Variants in WDR27 observed in about 807,000 individuals in gnomAD.
WDR27 encodes WD repeat domain 27, also known as WD repeat-containing protein 27.
WDR27 carries 100 observed loss-of-function variants against 114.4 expected under a neutral mutation model. The ratio of observed to expected loss-of-function variants is 0.87; its 90% CI spans 0.74 to 1.03. The LOEUF (loss-of-function observed/expected upper bound fraction) is 1.03, where lower values mean the gene tolerates loss of function less well. Among genes scored for constraint, WDR27 ranks in the 50% least tolerant of loss-of-function variants. WDR27 has a pLI of 0.00. For missense variants in WDR27, 1,129 were observed against 1,092.9 expected, an observed-to-expected ratio of 1.03 and a Z score of -0.47; for synonymous variants, 449 against 423.1, an observed-to-expected ratio of 1.06 and a Z score of -0.75.
rs1322314579 is a variant in WDR27, at chr6:169,649,218, C to G, written c.1539G>C (p.Arg513Ser). 1.9e-6 allele frequency: 3 copies of G among 1,576,110 alleles called. No homozygotes were observed. The highest frequency in any genetic ancestry group is 2.6e-6 in the Non-Finnish European group (3 of 1,160,032). The part of the protein sequence containing the change: ...NIKSEGKGSS[R>S]SRSSCAREAY... The stretch of plus-strand genomic sequence containing the variant: ...CACACCGTGCGCAGCTGCTCCTGCT[C>G]CTTGAAGATCCTTTCCCCTCACTCT... Residue 513 changes from arginine to serine, a missense_variant, in exon 15 of 26, where the codon AGG becomes AGC. Transcript: ENST00000448612.
At chr6:169,660,889 C>T in intron 9 of WDR27, 123 bp from the exon 10 acceptor site, 1 of 802,404 alleles carries the variant, frequency 1.2e-6, no homozygotes. Flanking sequence ...GCGTTGGGCC[C>T]CACGTGCGCC....
At chr6:169,538,252 TAC>T (rs1584060434) in intron 25 of WDR27, among the ~76,000 whole-genome samples, 1 of 152,200 alleles carries the variant, frequency 6.6e-6, no homozygotes, top group Non-Finnish European at 1.5e-5. Flanking sequence ...TCACTAACCT[TAC>T]ACACATTCTC....
chr6:169,628,041 C>G (rs767246282), intron 21 of WDR27, among the ~76,000 whole-genome samples: 2 of 151,992 alleles, frequency 1.3e-5, no homozygotes, highest in Non-Finnish European at 2.9e-5. Flanking sequence ...GCTCTCCCCC[C>G]AGAATTCATC....
Position 169,662,349 on chromosome 6 carries a change from A to G in WDR27, c.980T>C (p.Leu327Pro). 1 of 1,614,054 alleles carries G rather than the reference A, an allele frequency of 6.2e-7. No homozygotes were observed. Among genetic ancestry groups the G allele is most frequent in the East Asian group, 2.2e-5 (1 of 44,888 alleles). The change falls in exon 9 of 26, where the codon CTT (leucine) becomes CCT (proline). Residue 327 changes from leucine to proline, a missense_variant. Coordinates refer to ENST00000448612, the MANE Select transcript of WDR27 (RefSeq NM_182552.5). The part of the protein sequence containing the change: ...QVEVTFPVLR[L>P]APCDLSLIPN... ...GATGAGTGAGAGATCACAGGGTGCA[A>G]GTCTCAGTACAGGAAATGTTACTTC...
chr6:169,638,232 C>T (rs1413391090), intron 18 of WDR27, among the ~76,000 whole-genome samples: 1 of 100,726 alleles, frequency 9.9e-6, no homozygotes, highest in Admixed American at 9.1e-5. Flanking sequence ...AGGAGAATGG[C>T]GTGAACCCGG....
At chr6:169,580,993 C>G (rs1467192466) in intron 24 of WDR27, among the ~76,000 whole-genome samples, 1 of 146,530 alleles carries the variant, frequency 6.8e-6, no homozygotes, top group Non-Finnish European at 1.5e-5. Flanking sequence ...ATATCATTAT[C>G]CTTAATGAAT....
Position 169,534,798 on chromosome 6 carries a change from A to G in WDR27, c.2645+37621T>C, listed in dbSNP as rs554068037. ...CTCTTTTTTTTTCTTGGTCAGCTCT[A>G]GCTCTTATTCTTTGCTTCCCTGCTT... On this transcript the variant is annotated intron_variant, in intron 25 of 25. Transcript: ENST00000448612. Among the ~76,000 whole-genome samples, 43 of 151,566 alleles carry G rather than the reference A, an allele frequency of 2.8e-4. No individual in the cohort carries two copies. In the South Asian group the frequency reaches 9.0e-3, roughly 32 times the overall value.
intron 13 of WDR27, 121 bp from the exon 14 acceptor site, chr6:169,652,129 C>A: frequency 2.4e-6 from 2 of 844,782 alleles, no homozygotes; most frequent in Non-Finnish European, 3.6e-6. Context: ...GAATTCCTGA[C>A]CATAAATTTA....
chr6:169,607,975 A>G (rs955510445), intron 22 of WDR27, among the ~76,000 whole-genome samples: 1 of 152,222 alleles, frequency 6.6e-6, no homozygotes, highest in Admixed American at 6.5e-5. Context: ...TAGATGGTGT[A>G]GCCTACTACA....
chr6:169,526,330 A>G (rs995633060), intron 25 of WDR27, among the ~76,000 whole-genome samples: 1 of 152,194 alleles, frequency 6.6e-6, no homozygotes, highest in Admixed American at 6.5e-5. Context: ...TAAGCATCCA[A>G]GGCCAGGCGC....
the WDR27 span, among the ~76,000 whole-genome samples, chr6:169,429,430 C>CTTTT: frequency 1.4e-5 from 2 of 142,242 alleles, no homozygotes; most frequent in Non-Finnish European, 3.0e-5. Context: ...AGACTGAGTC[C>CTTTT]TTTTTTTTTT....
At chr6:169,574,998 T>C (rs1174231196) in intron 24 of WDR27, among the ~76,000 whole-genome samples, 1 of 152,158 alleles carries the variant, frequency 6.6e-6, no homozygotes, top group Admixed American at 6.5e-5. Flanking sequence ...TCTGCCTCTT[T>C]GAGCTGGGAC....
At chr6:169,519,005 C>T (rs1405201526) in intron 25 of WDR27, among the ~76,000 whole-genome samples, 7 of 152,218 alleles carry the variant, frequency 4.6e-5, no homozygotes, top group African/African-American at 2.4e-5. Flanking sequence ...AGGGCACAAA[C>T]AGAATGCAGC....
chr6:169,441,249 C>T, the WDR27 span, among the ~76,000 whole-genome samples: 3 of 152,088 alleles, frequency 2.0e-5, no homozygotes, highest in African/African-American at 7.2e-5. Context: ...ACCTTACTTC[C>T]CCCGATGGGG....
chr6:169,501,559 T>C (rs529967713), intron 25 of WDR27, among the ~76,000 whole-genome samples: 1 of 152,362 alleles, frequency 6.6e-6, no homozygotes, highest in South Asian at 2.1e-4. Context: ...CAGGAAAAGA[T>C]GCAGTGAACT....
At chr6:169,519,632 C>T (rs1485123605) in intron 25 of WDR27, among the ~76,000 whole-genome samples, 2 of 152,250 alleles carry the variant, frequency 1.3e-5, no homozygotes, top group Non-Finnish European at 1.5e-5. Flanking sequence ...CACACACCTC[C>T]CACCAGGCCC....
chr6:169,558,018 T>C (rs1485334777), intron 25 of WDR27, among the ~76,000 whole-genome samples: 1 of 152,132 alleles, frequency 6.6e-6, no homozygotes, highest in African/African-American at 2.4e-5. Context: ...CTAAGAACTA[T>C]GAGAGCATAA....
At chr6:169,506,217 A>C (rs1791982466) in intron 25 of WDR27, among the ~76,000 whole-genome samples, 1 of 152,138 alleles carries the variant, frequency 6.6e-6, no homozygotes, top group Non-Finnish European at 1.5e-5. Context: ...TTTCCTTTTG[A>C]TGGGAGAAAA....
At chr6:169,675,038 G>A (rs1323587619) in intron 2 of WDR27, among the ~76,000 whole-genome samples, 1 of 152,158 alleles carries the variant, frequency 6.6e-6, no homozygotes. Context: ...TTCTTTTGTG[G>A]TGGAATGTCA....
Sources: allele counts gnomAD v4.1 joint callset (sites outside exome capture counted in the v4.1 genomes callset), GRCh38; gene constraint gnomAD v4.1.1; transcripts MANE v1.5; gene names NCBI Gene and HGNC (gene_info 2026-07-23, HGNC 2026-07-21).